Variants in CDK11B observed in about 807,000 individuals in gnomAD.
CDK11B encodes the protein cyclin-dependent kinase 11B.
Under a neutral mutation model 84.0 loss-of-function variants are expected in CDK11B, and 37 were observed. The ratio of observed to expected loss-of-function variants is 0.44; its 90% CI spans 0.34 to 0.58. The LOEUF is 0.58. Among genes scored for constraint, CDK11B ranks in the 20% least tolerant of loss-of-function variants. CDK11B has a pLI of 0.02. For synonymous variants in CDK11B, 269 were observed against 309.8 expected, an observed-to-expected ratio of 0.87 and a Z score of 1.38; for missense variants, 427 against 834.0, an observed-to-expected ratio of 0.51 and a Z score of 6.01.
At position 1,640,343 on chromosome 1, in the gene CDK11B, G is replaced by A. The variant is rs746338412; in HGVS notation, c.1185C>T (p.Pro395=). 5.0e-6 allele frequency: 8 copies of A among 1,613,666 alleles called. No homozygotes were observed. Among genetic ancestry groups the A allele is most frequent in the African/African-American group, 1.3e-5 (1 of 75,048 alleles). ...CGATGGGCGACAGGGCAGGGGAGTC[G>A]GGCACATAGTCGCCCTCTGTCAGGG... ...SSALTEGDYV[P]DSPALSPIEL... is the part of the protein sequence containing the mutation. Residue 395 remains proline, a synonymous_variant, in exon 11 of 20, where the codon CCC becomes CCT. Transcript: ENST00000341832.
intron 13 of CDK11B, 122 bp downstream of exon 13, chr1:1,637,640 G>A (rs906048444): frequency 6.2e-7 from 1 of 1,608,646 alleles, no homozygotes; most frequent in African/African-American, 1.3e-5. Context: ...TTGCTTCTGT[G>A]TGGTCTGTGA....
At chr1:1,652,799 C>T (rs1178153313) in intron 3 of CDK11B, among the ~76,000 whole-genome samples, 1 of 152,068 alleles carries the variant, frequency 6.6e-6, no homozygotes, top group East Asian at 1.9e-4. Flanking sequence ...GATCTCGGCT[C>T]ACTGCAATCT....
At chr1:1,654,924 C>T (rs577550765) in intron 3 of CDK11B, among the ~76,000 whole-genome samples, 1 of 152,148 alleles carries the variant, frequency 6.6e-6, no homozygotes, top group African/African-American at 2.4e-5. Flanking sequence ...TCCCAAAGTG[C>T]TGGGATTACA....
intron 2 of CDK11B, among the ~76,000 whole-genome samples, chr1:1,656,671 T>C (rs2101030709): frequency 6.6e-6 from 1 of 152,124 alleles, no homozygotes; most frequent in Non-Finnish European, 1.5e-5. Flanking sequence ...GCCCCTGTAG[T>C]CCCAGCTACT....
chr1:1,636,920 G>C lies in CDK11B; in HGVS notation c.1777C>G (p.Pro593Ala), dbSNP rs776479657. Residue 593 changes from proline to alanine, a missense_variant, in exon 16 of 20, where the codon CCA (proline) becomes GCA (alanine). Physicochemically the swap from Pro to Ala is conservative, Grantham distance 27. Around this residue, in one of 12 missense-constraint regions of CDK11B, gnomAD observed 170 missense variants for 196.0 expected, o/e 0.87. Transcript: ENST00000341832. ...PVVVTLWYRA[P>A]ELLLGAKEYS... is the part of the protein sequence containing the mutation. The stretch of plus-strand genomic sequence containing the variant: ...ACCTTGGCACCAAGCAGCAGCTCTG[G>C]GGCGCGGTACCACAGGGTCACCACG... 5.6e-6 allele frequency: 9 copies of C among 1,606,154 alleles called. No homozygotes were observed. Among genetic ancestry groups the C allele is most frequent in the Non-Finnish European group, 7.7e-6 (9 of 1,175,038 alleles).
chr1:1,648,420 C>A (rs1641452317), intron 5 of CDK11B, among the ~76,000 whole-genome samples: 1 of 152,148 alleles, frequency 6.6e-6, no homozygotes. Context: ...ACCCCTGGGC[C>A]TCAGTGTCTC....
At chr1:1,650,926 C>A (rs1196332853) in intron 4 of CDK11B, among the ~76,000 whole-genome samples, 1 of 152,084 alleles carries the variant, frequency 6.6e-6, no homozygotes, top group African/African-American at 2.4e-5. Context: ...TTGTAATATT[C>A]GTCTTTTAAA....
Position 1,652,536 on chromosome 1 carries a change from T to G in CDK11B, c.258A>C (p.Lys86Asn). 1 of 1,496,548 alleles carries G rather than the reference T, an allele frequency of 6.7e-7. No homozygotes were observed. Among genetic ancestry groups the G allele is most frequent in the Non-Finnish European group, 8.8e-7 (1 of 1,131,590 alleles). The allele number at this position is 1,496,548 out of a possible 1,614,324, so 92.7% of individuals were successfully genotyped here. ...RGEEDDSLAIKPPQQMSRKEK... is the reference protein window; with the variant it reads ...RGEEDDSLAINPPQQMSRKEK... Reference sequence around the variant, plus strand: ...CTTTCCGAGACATTTGCTGGGGTGGTTTGATGGCCAAAGAATCATCTTCTT... The same window carrying G: ...CTTTCCGAGACATTTGCTGGGGTGGGTTGATGGCCAAAGAATCATCTTCTT... The change falls in exon 4 of 20, where the codon AAA becomes AAC. Residue 86 changes from lysine (K) to asparagine (N), a missense_variant. Around this residue, in one of 12 missense-constraint regions of CDK11B, gnomAD observed 9 missense variants for 35.4 expected, o/e 0.25. Transcript: ENST00000341832.
chr1:1,650,397 GCT>G (rs1641832342), intron 4 of CDK11B, among the ~76,000 whole-genome samples: 1 of 113,256 alleles, frequency 8.8e-6, no homozygotes, highest in Non-Finnish European at 1.7e-5. Context: ...ATGGAGTCTT[GCT>G]CTGTCGCCCA....
intron 3 of CDK11B, among the ~76,000 whole-genome samples, chr1:1,654,315 C>T (rs1013356348): frequency 7.9e-5 from 12 of 152,162 alleles, no homozygotes; most frequent in African/African-American, 2.9e-4. Flanking sequence ...TCTGTTACCC[C>T]AGTCTCATCC....
intron 4 of CDK11B, among the ~76,000 whole-genome samples, chr1:1,650,078 G>A (rs1327704457): frequency 3.2e-4 from 48 of 150,764 alleles, no homozygotes; most frequent in African/African-American, 8.8e-4. Flanking sequence ...GGACCATCCT[G>A]GCTAACACGG....
intron 17 of CDK11B, 57 bp from the exon 18 acceptor site, chr1:1,636,538 G>A: frequency 6.9e-6 from 11 of 1,583,548 alleles, no homozygotes; most frequent in Non-Finnish European, 9.5e-6. Context: ...GTTGGCACCT[G>A]TGTCCCGTCA....
intron 5 of CDK11B, among the ~76,000 whole-genome samples, chr1:1,648,067 C>T (rs988874467): frequency 1.3e-5 from 2 of 152,278 alleles, no homozygotes; most frequent in African/African-American, 4.8e-5. Context: ...ACAAGGTCTC[C>T]CTACGTTGCC....
chr1:1,647,075 C>G (rs1641247156), intron 5 of CDK11B: 1 of 429,686 alleles, frequency 2.3e-6, no homozygotes, highest in Non-Finnish European at 4.7e-6. Context: ...TTTCCTCTCT[C>G]CTGGAACCCC....
intron 3 of CDK11B, among the ~76,000 whole-genome samples, chr1:1,652,869 G>T (rs1346185195): frequency 6.6e-6 from 1 of 152,078 alleles, no homozygotes; most frequent in African/African-American, 2.4e-5. Context: ...GGGACTACAG[G>T]CGCCCGCCGC....
At chr1:1,656,165 A>G (rs1315924072) in intron 2 of CDK11B, among the ~76,000 whole-genome samples, 1 of 152,134 alleles carries the variant, frequency 6.6e-6, no homozygotes. Context: ...TGAGTCACAC[A>G]GATTTTTTGG....
At chr1:1,646,117 T>C (rs1641071795) in intron 5 of CDK11B, 1 of 474,000 alleles carries the variant, frequency 2.1e-6, no homozygotes, top group Admixed American at 2.2e-5. Flanking sequence ...TGACAGCTGA[T>C]GTTTGTACGC....
At chr1:1,649,383 G>A (rs1641599601) in intron 5 of CDK11B, 116 bp downstream of exon 5, 2 of 776,412 alleles carry the variant, frequency 2.6e-6, no homozygotes, top group South Asian at 1.6e-5. Flanking sequence ...TTACAGGCGT[G>A]AGCCACCACA....
rs181808394 is a variant in CDK11B at position 1,637,346 on chromosome 1, C to A, written c.1570+62G>T. On this transcript the variant is annotated intron_variant, in intron 14 of 19. Transcript: ENST00000341832. ...GGCCCTCCCTGCAGCACTGTCACCG[C>A]GGGGGTGACCAGGACCCTGCCCCCA... The A allele has an allele frequency of 4.1e-3, 6,514 of 1,584,772 alleles. 45 individuals carry two copies. Among genetic ancestry groups the A allele is most frequent in the East Asian group, 0.023 (983 of 43,092 alleles).
Sources: gnomAD v4.1 joint callset for allele counts (sites outside exome capture counted in the v4.1 genomes callset) on GRCh38, gnomAD v4.1.1 for gene constraint, gnomAD v4.1.1 regional missense constraint, MANE v1.5 for transcripts, NCBI Gene and HGNC (gene_info 2026-07-23, HGNC 2026-07-21) for gene names.